Variants in SYT14 observed in about 807,000 individuals in gnomAD.
The protein encoded by SYT14 is synaptotagmin-14.
SYT14 carries 32 observed loss-of-function variants against 74.2 expected under a neutral mutation model. That is an observed-to-expected ratio of 0.43 (90% CI 0.33 to 0.58). The LOEUF (loss-of-function observed/expected upper bound fraction) is 0.58. Ranked by LOEUF, SYT14 falls within the 20% of genes least tolerant of loss-of-function variation. The pLI is 0.05. For missense variants in SYT14, 791 were observed against 981.8 expected (o/e 0.81, Z 2.60); for synonymous variants, 298 against 337.7 (o/e 0.88, Z 1.29).
At chr1:209,967,532 A>G (rs1365396967) in intron 2 of SYT14, among the ~76,000 whole-genome samples, 1 of 151,968 alleles carries the variant, frequency 6.6e-6, no homozygotes, top group African/African-American at 2.4e-5. Context: ...TTCCTGAGTG[A>G]GCTTTTATTA....
intron 5 of SYT14, among the ~76,000 whole-genome samples, chr1:210,085,557 G>A (rs2081709410): frequency 6.6e-6 from 1 of 152,106 alleles, no homozygotes; most frequent in Non-Finnish European, 1.5e-5. Context: ...TATTCCTAGT[G>A]CACTGAGAGA....
At chr1:210,058,689 C>G (rs2081145150) in intron 5 of SYT14, among the ~76,000 whole-genome samples, 1 of 152,158 alleles carries the variant, frequency 6.6e-6, no homozygotes, top group Non-Finnish European at 1.5e-5. Flanking sequence ...CACAGCCAAC[C>G]AGTGCTAGAG....
intron 5 of SYT14, among the ~76,000 whole-genome samples, chr1:210,067,593 C>A (rs1023566347): frequency 4.0e-5 from 6 of 151,832 alleles, no homozygotes; most frequent in African/African-American, 1.5e-4. Flanking sequence ...AGACCTCTCT[C>A]TATATATCAC....
intron 7 of SYT14, among the ~76,000 whole-genome samples, chr1:210,140,300 C>T (rs2082888106): frequency 6.6e-6 from 1 of 151,810 alleles, no homozygotes; most frequent in Non-Finnish European, 1.5e-5. Flanking sequence ...TATTTTTTTG[C>T]CTTTGGATAA....
At chr1:210,130,380 C>G (rs967341226) in intron 7 of SYT14, among the ~76,000 whole-genome samples, 3 of 151,732 alleles carry the variant, frequency 2.0e-5, no homozygotes, top group Admixed American at 1.3e-4. Context: ...GGTTTTTTTT[C>G]CAGTGTTCAT....
chr1:210,133,815 G>A (rs1395207677), intron 7 of SYT14, among the ~76,000 whole-genome samples: 2 of 149,460 alleles, frequency 1.3e-5, no homozygotes, highest in Admixed American at 1.3e-4. Flanking sequence ...AGATGTCTTA[G>A]TCACAGCTGA....
chr1:210,012,421 A>G (rs1211004231), intron 2 of SYT14, among the ~76,000 whole-genome samples: 1 of 152,206 alleles, frequency 6.6e-6, no homozygotes, highest in Non-Finnish European at 1.5e-5. Flanking sequence ...TGAGTAGGAT[A>G]CAGTAGAGAG....
intron 2 of SYT14, among the ~76,000 whole-genome samples, chr1:209,983,812 A>G (rs527271558): frequency 6.6e-6 from 1 of 152,138 alleles, no homozygotes; most frequent in African/African-American, 2.4e-5. Flanking sequence ...CAACATTTTG[A>G]ACACTCTATT....
In SYT14 at chr1:210,119,730, C is replaced by T. The variant is rs530062232; in HGVS notation, c.2034+19269C>T. Among the ~76,000 whole-genome samples, 12 of 152,146 alleles carry T rather than the reference C, an allele frequency of 7.9e-5. No individual in the cohort carries two copies. In the South Asian group the frequency reaches 2.5e-3, roughly 32 times the overall value. ...CTGCAAGTACCACGTGTTTGTATTC[C>T]CGGAGCTCCTGTTAGAGTAAAATAC... On this transcript the variant is annotated intron_variant, in intron 7 of 9. Transcript: ENST00000637265.
intron 1 of SYT14, among the ~76,000 whole-genome samples, chr1:209,941,350 A>G (rs1185208554): frequency 6.6e-6 from 1 of 152,198 alleles, no homozygotes; most frequent in African/African-American, 2.4e-5. Flanking sequence ...AATTTTTGAA[A>G]GGCATTTTGA....
At chr1:210,044,076 T>C (rs1457604983) in intron 5 of SYT14, among the ~76,000 whole-genome samples, 12 of 152,210 alleles carry the variant, frequency 7.9e-5, no homozygotes, top group Admixed American at 7.2e-4. Flanking sequence ...CCAGAAGTTA[T>C]GTCTGTATTT....
intron 2 of SYT14, among the ~76,000 whole-genome samples, chr1:209,954,854 T>A (rs2078967058): frequency 6.6e-6 from 1 of 151,994 alleles, no homozygotes; most frequent in South Asian, 2.1e-4. Flanking sequence ...TACAGGCGCA[T>A]GCCACCATGC....
chr1:210,114,083 A>G (rs1322443888), intron 7 of SYT14, among the ~76,000 whole-genome samples: 2 of 151,424 alleles, frequency 1.3e-5, no homozygotes, highest in East Asian at 3.8e-4. Flanking sequence ...TTCAGCCGCT[A>G]TGCCGAGAAG....
At chr1:210,105,508 A>G (rs893960202) in intron 7 of SYT14, among the ~76,000 whole-genome samples, 3 of 152,214 alleles carry the variant, frequency 2.0e-5, no homozygotes, top group African/African-American at 4.8e-5. Context: ...GAAGTAAACC[A>G]TTGTTGAATT....
At position 210,139,416 on chromosome 1, in the gene SYT14, G is replaced by T. The variant is rs549131537; in HGVS notation, c.2035-16305G>T. ...TACTACAACTTTTTGAAAACCACTG[G>T]ATTAAATTATCTTTGAGATTCTTTC... On this transcript the variant is annotated intron_variant, in intron 7 of 9. Transcript: ENST00000637265. Among the ~76,000 whole-genome samples, 120 of 151,830 alleles carry T rather than the reference G, an allele frequency of 7.9e-4. 1 individual carries two copies. The Middle Eastern group carries it at 0.01, about 13-fold the overall frequency.
chr1:210,036,150 TTTTG>T (rs1422834516), intron 5 of SYT14, among the ~76,000 whole-genome samples: 5 of 151,958 alleles, frequency 3.3e-5, no homozygotes, highest in African/African-American at 9.7e-5. Flanking sequence ...ACTAGGTGTT[TTTTG>T]TTTGTTTGTT....
In SYT14 at chr1:209,994,431, A is replaced by G. The variant is rs112784322; in HGVS notation, c.-485-19202A>G. On this transcript the variant is annotated intron_variant, in intron 2 of 9. Transcript: ENST00000637265. ...ATTGTTTCTTCAAGGCAACTCAGAC[A>G]AAAACGAAGAAAAAAGAATTTTTTA... Among the ~76,000 whole-genome samples, 1,327 of 152,310 alleles carry G rather than the reference A, an allele frequency of 8.7e-3. 7 individuals carry two copies. Among genetic ancestry groups the G allele is most frequent in the Non-Finnish European group, 0.013 (883 of 68,026 alleles).
chr1:210,004,996 A>G, intron 2 of SYT14, among the ~76,000 whole-genome samples: 1 of 152,114 alleles, frequency 6.6e-6, no homozygotes, highest in Middle Eastern at 3.4e-3. Flanking sequence ...TATGATGTTG[A>G]TGTTGAGCTC....
intron 7 of SYT14, among the ~76,000 whole-genome samples, chr1:210,114,583 G>A (rs1191095883): frequency 6.6e-6 from 1 of 151,248 alleles, no homozygotes; most frequent in Non-Finnish European, 1.5e-5. Flanking sequence ...TCTAAGGGTT[G>A]TTGCCAAACG....
Sources: gnomAD v4.1 joint callset for allele counts (sites outside exome capture counted in the v4.1 genomes callset) on GRCh38, gnomAD v4.1.1 for gene constraint, MANE v1.5 for transcripts, NCBI Gene and HGNC (gene_info 2026-07-23, HGNC 2026-07-21) for gene names.